GRM8: variants seen among roughly 807,000 people sequenced by gnomAD.
GRM8 encodes the protein metabotropic glutamate receptor 8.
A neutral mutation model predicts 87.2 loss-of-function variants in GRM8; 47 were observed. The observed-to-expected ratio is 0.54, with a 90% CI of 0.43 to 0.69. The LOEUF (loss-of-function observed/expected upper bound fraction) is 0.69. Among genes scored for constraint, GRM8 ranks in the 30% least tolerant of loss-of-function variants. The pLI, the probability that GRM8 is intolerant of heterozygous loss-of-function variation, is 0.00. For synonymous variants in GRM8, 396 were observed against 404.5 expected, an observed-to-expected ratio of 0.98 and a Z score of 0.25; for missense variants, 1,019 against 1,139.2, an observed-to-expected ratio of 0.89 and a Z score of 1.52.
chr7:126,438,974 T>C lies in GRM8; in HGVS notation c.*145A>G, dbSNP rs1206478854. The stretch of plus-strand genomic sequence containing the variant: ...CCCGTTTATTGATACTTTTGGCTCA[T>C]GGCTAATTTTTGTTCCTTACAAGAC... On this transcript the variant is annotated 3_prime_UTR_variant, in exon 11 of 11. Coordinates refer to ENST00000339582, the MANE Select transcript of GRM8 (RefSeq NM_000845.3). 7.9e-6 allele frequency: 5 copies of C among 635,598 alleles called. No individual in the cohort carries two copies. Among genetic ancestry groups the C allele is most frequent in the Non-Finnish European group, 2.8e-6 (1 of 351,026 alleles). The allele number at this position is 635,598 out of a possible 1,614,324, so 39.4% of individuals were successfully genotyped here. A position where few individuals can be genotyped will look rare whatever the true frequency, so the allele number is the denominator to read the frequency against.
chr7:126,947,687 G>C (rs562281290), intron 3 of GRM8, among the ~76,000 whole-genome samples: 1 of 152,082 alleles, frequency 6.6e-6, no homozygotes, highest in Non-Finnish European at 1.5e-5. Flanking sequence ...CAAGCCCCGA[G>C]GCCTTCCTAT....
At chr7:126,451,769 C>T (rs1802641763) in intron 9 of GRM8, among the ~76,000 whole-genome samples, 1 of 151,714 alleles carries the variant, frequency 6.6e-6, no homozygotes, top group Non-Finnish European at 1.5e-5. Context: ...ACTTTTATAT[C>T]TGGTGGCTTG....
chr7:127,058,908 T>C (rs1820289438), intron 3 of GRM8, among the ~76,000 whole-genome samples: 1 of 152,240 alleles, frequency 6.6e-6, no homozygotes, highest in Non-Finnish European at 1.5e-5. Context: ...TTGTGCAGAC[T>C]GTCAGTGTGT....
chr7:126,688,496 G>A (rs570940035), intron 7 of GRM8, among the ~76,000 whole-genome samples: 16 of 152,168 alleles, frequency 1.1e-4, no homozygotes, highest in African/African-American at 2.7e-4. Context: ...ACATAGTTTC[G>A]CTTAGAATAA....
Position 126,864,073 on chromosome 7 carries a change from G to A in GRM8, c.1156+38469C>T, listed in dbSNP as rs1176223194. ...TTTTGTAGAGACAAAGTCTTGTTAT[G>A]TTTTCCAGGCTGTTCTTGAACACCT... On this transcript the variant is annotated intron_variant, in intron 6 of 10. Transcript: ENST00000339582. Among the ~76,000 whole-genome samples the A allele has an allele frequency of 6.3e-5, 4 of 63,972 alleles. No individual in the cohort carries two copies. In the East Asian group the frequency reaches 2.0e-3, roughly 33 times the overall value. 42.0% of individuals were successfully genotyped at this position (63,972 alleles called of 152,430 possible). A position where few individuals can be genotyped will look rare whatever the true frequency, so the allele number is the denominator to read the frequency against.
chr7:127,251,235 T>TC (rs1201389333), intron 1 of GRM8: 2 of 152,162 alleles, frequency 1.3e-5, no homozygotes, highest in Non-Finnish European at 2.9e-5. Flanking sequence ...GGGAAGTAAT[T>TC]CCCCAGGGAA....
intron 3 of GRM8, among the ~76,000 whole-genome samples, chr7:126,924,491 T>C (rs1341859742): frequency 6.6e-6 from 1 of 152,206 alleles, no homozygotes; most frequent in African/African-American, 2.4e-5. Context: ...GTTGGCACAT[T>C]GTCTTCTAGT....
At chr7:126,673,958 GA>G (rs1282208451) in intron 7 of GRM8, among the ~76,000 whole-genome samples, 1 of 152,098 alleles carries the variant, frequency 6.6e-6, no homozygotes, top group Non-Finnish European at 1.5e-5. Flanking sequence ...ACTGACTTGA[GA>G]ACTTAAATAT....
chr7:127,251,354 T>C (rs1472204177), intron 1 of GRM8: 1 of 151,772 alleles, frequency 6.6e-6, no homozygotes, highest in East Asian at 1.9e-4. Flanking sequence ...TCTTTTTTGG[T>C]GATTCTGTTA....
chr7:126,954,470 T>C (rs1808476996), intron 3 of GRM8, among the ~76,000 whole-genome samples: 1 of 152,200 alleles, frequency 6.6e-6, no homozygotes, highest in Admixed American at 6.5e-5. Context: ...TCCCAGGCGA[T>C]ATTTGGGACA....
intron 9 of GRM8, among the ~76,000 whole-genome samples, chr7:126,528,112 A>G (rs2237740): frequency 0.83 from 126,233 of 152,104 alleles, 52,850 homozygotes; most frequent in African/African-American, 0.96. Flanking sequence ...GCTGAGGCAG[A>G]AGAATCACTT....
At chr7:126,818,755 C>T (rs534084433) in intron 6 of GRM8, among the ~76,000 whole-genome samples, 2 of 152,240 alleles carry the variant, frequency 1.3e-5, no homozygotes, top group African/African-American at 4.8e-5. Context: ...TATGTTCAAA[C>T]ATAAGGATAT....
At position 127,106,598 on chromosome 7, in the gene GRM8, T is replaced by G. The variant is rs777179701; in HGVS notation, c.625A>C (p.Ile209Leu). 8 of 1,614,024 alleles carry G rather than the reference T, an allele frequency of 5.0e-6. No individual in the cohort carries two copies. The highest frequency in any genetic ancestry group is 3.3e-5 in the Admixed American group (2 of 59,984). ...TAATTCCATCCCAGTGCTGTCACGA[T>G]GTCCACCATGGCTTGGGCTTGGTAG... ...DSYQAQAMVD[I>L]VTALGWNYVS... is the part of the protein sequence containing the mutation. The change falls in exon 3 of 11, where the codon ATC (isoleucine) becomes CTC (leucine). Residue 209 changes from isoleucine to leucine, a missense_variant. Coordinates refer to ENST00000339582, the MANE Select transcript of GRM8 (RefSeq NM_000845.3).
At chr7:127,015,066 A>AGAAGAGGAGGAG (rs1454124629) in intron 3 of GRM8, among the ~76,000 whole-genome samples, 1 of 104,428 alleles carries the variant, frequency 9.6e-6, no homozygotes, top group African/African-American at 3.1e-5. Context: ...AAGAAGAAGA[A>AGAAGAGGAGGAG]GAAAGAAAGA....
rs193153919 is a variant in GRM8 at position 126,772,685 on chromosome 7, C to T, written c.1157-2620G>A. 2.6e-5 allele frequency among the ~76,000 whole-genome samples: 4 copies of T among 152,124 alleles called. No individual in the cohort carries two copies. In the East Asian group the frequency reaches 7.7e-4, roughly 29 times the overall value. On this transcript the variant is annotated intron_variant, in intron 6 of 10. Transcript: ENST00000339582. ...AAATAATTCTTTCATGATATGCACA[C>T]CCCGAAGAAAATCTAATCAAATTCT...
chr7:127,235,149 T>G (rs191371357), intron 2 of GRM8, among the ~76,000 whole-genome samples: 49 of 152,316 alleles, frequency 3.2e-4, no homozygotes, highest in African/African-American at 1.1e-3. Context: ...CCTCATTATT[T>G]AAAACACCCC....
chr7:126,788,549 C>G (rs958240535), intron 6 of GRM8, among the ~76,000 whole-genome samples: 6 of 151,636 alleles, frequency 4.0e-5, no homozygotes, highest in African/African-American at 1.5e-4. Flanking sequence ...ACTCAAATAT[C>G]TCCTATGCCC....
At chr7:127,071,074 G>A (rs1006762202) in intron 3 of GRM8, among the ~76,000 whole-genome samples, 1 of 152,094 alleles carries the variant, frequency 6.6e-6, no homozygotes, top group Non-Finnish European at 1.5e-5. Flanking sequence ...CTGAGTCCCA[G>A]GTTCCAGATC....
In GRM8 at chr7:126,936,137, G is replaced by A. The variant is rs545652823; in HGVS notation, c.728-31454C>T. Among the ~76,000 whole-genome samples the A allele has an allele frequency of 4.6e-5, 7 of 152,222 alleles. No individual in the cohort carries two copies. In the South Asian group the frequency reaches 6.2e-4, roughly 14 times the overall value. The stretch of plus-strand genomic sequence containing the variant: ...ACCACCTTTCCAGACACACAGATAC[G>A]TTTCCATGATTAAAGTATAATGTGG... On this transcript the variant is annotated intron_variant, in intron 3 of 10. Transcript: ENST00000339582.
Sources: allele counts gnomAD v4.1 joint callset (sites outside exome capture counted in the v4.1 genomes callset), GRCh38; gene constraint gnomAD v4.1.1; transcripts MANE v1.5; gene names NCBI Gene and HGNC (gene_info 2026-07-23, HGNC 2026-07-21).